Variants in DDX6 observed in about 807,000 individuals in gnomAD.
DDX6 encodes probable ATP-dependent RNA helicase DDX6.
In DDX6, 7 loss-of-function variants were observed where a neutral mutation model predicts 60.6. That is an observed-to-expected ratio of 0.12 (90% confidence interval 0.07 to 0.22). DDX6 has a LOEUF of 0.22. Among genes scored for constraint, DDX6 ranks in the 10% least tolerant of loss-of-function variants. DDX6 has a pLI of 1.00. For missense variants in DDX6, 270 were observed against 589.9 expected (o/e 0.46, Z 5.62); for synonymous variants, 207 against 201.0 (o/e 1.03, Z -0.25).
Position 118,785,269 on chromosome 11 carries a change from T to C in DDX6, c.200+783A>G, listed in dbSNP as rs180838784. Among the ~76,000 whole-genome samples, 214 of 152,324 alleles carry C rather than the reference T, an allele frequency of 1.4e-3. 2 individuals are homozygous for C. Among genetic ancestry groups the C allele is most frequent in the African/African-American group, 5.0e-3 (208 of 41,582 alleles). ...CCTCTAGTAAGAGGAGGCTCTTCAA[T>C]TTTAAGGTTAACAAAAGGTTTCTGA... On this transcript the variant is annotated intron_variant, in intron 2 of 13. Transcript: ENST00000534980.
At chr11:118,768,396 C>A (rs372273806) in intron 4 of DDX6, 44 bp from the exon 5 acceptor site, 1 of 1,602,582 alleles carries the variant, frequency 6.2e-7, no homozygotes, top group Non-Finnish European at 8.5e-7. Context: ...GAATGTAGTA[C>A]ACAAGCAAAT....
intron 4 of DDX6, among the ~76,000 whole-genome samples, chr11:118,775,455 G>GT (rs1555163418): frequency 6.6e-6 from 1 of 152,044 alleles, no homozygotes; most frequent in Non-Finnish European, 1.5e-5. Flanking sequence ...TTTGTGACTT[G>GT]TAACTCTGAT....
At position 118,751,083 on chromosome 11, in the gene DDX6, A is replaced by C. The variant is rs1352927047; in HGVS notation, c.*1022T>G. ...TATATATATGTATATATATATATAT[A>C]TATGAACCCAGAAAAAAAACTTATT... On this transcript the variant is annotated 3_prime_UTR_variant, in exon 14 of 14. Coordinates refer to ENST00000534980, the MANE Select transcript of DDX6 (RefSeq NM_004397.6). 1 of 122,178 alleles carries C rather than the reference A, an allele frequency of 8.2e-6. No homozygotes were observed. Among genetic ancestry groups the C allele is most frequent in the Non-Finnish European group, 1.7e-5 (1 of 59,866 alleles). 7.6% of individuals were successfully genotyped at this position (122,178 alleles called of 1,614,324 possible).
intron 1 of DDX6, chr11:118,789,187 T>C (rs2105782): frequency 0.4 from 59,643 of 150,842 alleles, 12,180 homozygotes; most frequent in Admixed American, 0.52. Flanking sequence ...GCGATTCCCC[T>C]GTCTCAGCCT....
chr11:118,780,474 A>C (rs1286866955), intron 3 of DDX6, among the ~76,000 whole-genome samples: 1 of 151,932 alleles, frequency 6.6e-6, no homozygotes, highest in Non-Finnish European at 1.5e-5. Context: ...ACGCCACCAC[A>C]CCCGACTAAT....
chr11:118,762,273 C>CAAAA (rs782743103), intron 7 of DDX6, among the ~76,000 whole-genome samples: 14 of 131,816 alleles, frequency 1.1e-4, no homozygotes, highest in East Asian at 2.2e-4. Flanking sequence ...GAGTCTGTCT[C>CAAAA]AAAAAAAAAA....
chr11:118,789,514 G>A (rs1019018006), intron 1 of DDX6: 5 of 151,916 alleles, frequency 3.3e-5, no homozygotes, highest in Admixed American at 2.6e-4. Flanking sequence ...CCTTGATTAT[G>A]CCTTCCTTAA....
chr11:118,767,123 G>A (rs1337666632), intron 5 of DDX6, among the ~76,000 whole-genome samples: 1 of 151,344 alleles, frequency 6.6e-6, no homozygotes, highest in Non-Finnish European at 1.5e-5. Context: ...CTGACCTCAG[G>A]TGATCTGCCT....
intron 7 of DDX6, 78 bp downstream of exon 7, chr11:118,763,134 T>C (rs1289558945): frequency 2.2e-6 from 2 of 919,014 alleles, no homozygotes; most frequent in African/African-American, 3.4e-5. Context: ...ACAAGCAGCT[T>C]TTGCTTCATT....
intron 4 of DDX6, 107 bp downstream of exon 4, chr11:118,779,525 C>A (rs978906414): frequency 1.5e-6 from 1 of 677,462 alleles, no homozygotes; most frequent in South Asian, 2.1e-5. Context: ...AGTGTGTATA[C>A]GTGAGAGAGA....
intron 4 of DDX6, among the ~76,000 whole-genome samples, chr11:118,778,519 T>G (rs992080489): frequency 2.0e-5 from 3 of 152,246 alleles, no homozygotes; most frequent in Non-Finnish European, 4.4e-5. Context: ...TCTGAACTTT[T>G]GTTTTCTCAT....
chr11:118,761,923 A>G (rs2137445131), intron 7 of DDX6, among the ~76,000 whole-genome samples: 1 of 151,884 alleles, frequency 6.6e-6, no homozygotes, highest in African/African-American at 2.4e-5. Context: ...TGATTAATAA[A>G]TGTTCTCTCT....
intron 10 of DDX6, 149 bp from the exon 11 acceptor site, chr11:118,756,472 A>G (rs181489290): frequency 1.9e-5 from 9 of 472,594 alleles, no homozygotes; most frequent in Middle Eastern, 1.0e-3. Context: ...AAATGAGTTA[A>G]GTTCTTGATA....
intron 2 of DDX6, among the ~76,000 whole-genome samples, chr11:118,782,166 G>A (rs4936436): frequency 1 from 152,316 of 152,316 alleles, 76,158 homozygotes; most frequent in Non-Finnish European, 1. Flanking sequence ...CCAGAGCAAG[G>A]CTCCGTTCCA....
At chr11:118,766,520 T>A (rs1555161305) in intron 5 of DDX6, among the ~76,000 whole-genome samples, 1 of 152,188 alleles carries the variant, frequency 6.6e-6, no homozygotes, top group East Asian at 1.9e-4. Flanking sequence ...AATCTCTTTA[T>A]GAAAAGAGAA....
At chr11:118,766,493 GA>G (rs1467815527) in intron 5 of DDX6, among the ~76,000 whole-genome samples, 20 of 152,252 alleles carry the variant, frequency 1.3e-4, no homozygotes, top group Middle Eastern at 3.4e-3. Flanking sequence ...AGGACATTAT[GA>G]AAACTCAAAT....
chr11:118,759,896 G>C, intron 8 of DDX6, 26 bp downstream of exon 8: 1 of 1,603,636 alleles, frequency 6.2e-7, no homozygotes, highest in East Asian at 2.2e-5. Flanking sequence ...GGATGGCACT[G>C]ATTCCAAGTA....
intron 4 of DDX6, among the ~76,000 whole-genome samples, chr11:118,777,913 A>AAC (rs386375044): frequency 4.6e-5 from 7 of 151,054 alleles, no homozygotes; most frequent in Non-Finnish European, 1.0e-4. Flanking sequence ...AAAAAAAAAA[A>AAC]ACCAAGAAAG....
Position 118,750,231 on chromosome 11 carries a change from AGTAC to A in DDX6, c.*1870_*1873del, listed in dbSNP as rs1555156877. 3 of 151,972 alleles carry A rather than the reference AGTAC, an allele frequency of 2.0e-5. No homozygotes were observed. The highest frequency in any genetic ancestry group is 7.3e-5 in the African/African-American group (3 of 41,220). 9.4% of individuals were successfully genotyped at this position (151,972 alleles called of 1,614,324 possible). On this transcript the variant is annotated 3_prime_UTR_variant, in exon 14 of 14. Transcript: ENST00000534980. ...TTTCCAGATGCCTCCTGATTGACCT[AGTAC>A]ACTGGGTTAAAAGGGAATTAAAAAC...
Sources: gnomAD v4.1 joint callset for allele counts (sites outside exome capture counted in the v4.1 genomes callset) on GRCh38, gnomAD v4.1.1 for gene constraint, MANE v1.5 for transcripts, NCBI Gene and HGNC (gene_info 2026-07-23, HGNC 2026-07-21) for gene names.